The following LNX2 variants were observed in gnomAD, a reference collection of about 807,000 sequenced individuals.
LNX2 encodes the protein ligand of Numb protein X 2.
Under a neutral mutation model 66.2 loss-of-function variants are expected in LNX2, and 35 were observed. That is an observed-to-expected ratio of 0.53 (90% confidence interval 0.40 to 0.70). The LOEUF is 0.70. Ranked by LOEUF, LNX2 falls within the 30% of genes least tolerant of loss-of-function variation. The pLI is 0.00. For synonymous variants in LNX2, 337 were observed against 315.6 expected, an observed-to-expected ratio of 1.07 and a Z score of -0.72; for missense variants, 791 against 850.8, an observed-to-expected ratio of 0.93 and a Z score of 0.87.
intron 1 of LNX2, among the ~76,000 whole-genome samples, chr13:27,617,022 A>C (rs1430473062): frequency 6.6e-6 from 1 of 152,228 alleles, no homozygotes; most frequent in Non-Finnish European, 1.5e-5. Flanking sequence ...TGCTAGAATT[A>C]TAAGCGTGAG....
At chr13:27,593,238 ATCT>A (rs997849384) in intron 1 of LNX2, among the ~76,000 whole-genome samples, 2 of 152,122 alleles carry the variant, frequency 1.3e-5, no homozygotes, top group African/African-American at 4.8e-5. Context: ...CATTTATCTC[ATCT>A]TCTTCCAATC....
intron 1 of LNX2, among the ~76,000 whole-genome samples, chr13:27,584,000 GA>G (rs968465521): frequency 6.6e-6 from 1 of 152,032 alleles, no homozygotes; most frequent in Non-Finnish European, 1.5e-5. Flanking sequence ...CACCTTGGGT[GA>G]AAAAAAGCAT....
chr13:27,579,948 G>A (rs1464432361), intron 2 of LNX2, among the ~76,000 whole-genome samples: 2 of 152,124 alleles, frequency 1.3e-5, no homozygotes, highest in African/African-American at 4.8e-5. Context: ...ATTTTCAAAA[G>A]TCTGTCTATC....
chr13:27,551,151 A>C (rs2138310728), intron 8 of LNX2, among the ~76,000 whole-genome samples: 1 of 152,262 alleles, frequency 6.6e-6, no homozygotes, highest in South Asian at 2.1e-4. Flanking sequence ...AGCTGGGTAC[A>C]GCGTCATGTG....
intron 2 of LNX2, among the ~76,000 whole-genome samples, chr13:27,579,035 A>G (rs527498738): frequency 6.6e-6 from 1 of 152,254 alleles, no homozygotes; most frequent in Non-Finnish European, 1.5e-5. Context: ...CTGAAAGACT[A>G]TAAAGACATG....
chr13:27,556,232 T>A lies in LNX2; in HGVS notation c.1546+4A>T. ...TGGTAAAATTTTTCAAGATCCCATC[T>A]TACCTCTCTTTATTCTGCCATCTCG... is the stretch of plus-strand genomic sequence containing the variant. On this transcript the variant is annotated splice_donor_region_variant and intron_variant, in intron 7 of 9. Transcript: ENST00000316334. The A allele has an allele frequency of 6.2e-7, 1 of 1,611,650 alleles. No homozygotes were observed. The highest frequency in any genetic ancestry group is 8.5e-7 in the Non-Finnish European group (1 of 1,179,052).
chr13:27,551,707 T>A (rs969847558), intron 8 of LNX2, among the ~76,000 whole-genome samples: 7 of 152,192 alleles, frequency 4.6e-5, no homozygotes, highest in Non-Finnish European at 1.0e-4. Context: ...ATGCCAGAAC[T>A]TCTCATCTTA....
chr13:27,552,861 T>C (rs1408190810), intron 8 of LNX2, among the ~76,000 whole-genome samples: 2 of 152,192 alleles, frequency 1.3e-5, no homozygotes, highest in African/African-American at 4.8e-5. Flanking sequence ...AGCCCCAAGA[T>C]TGGCCTGGGT....
In LNX2 at chr13:27,601,281, G is replaced by A. The variant is rs539240503; in HGVS notation, c.-101+19094C>T. Among the ~76,000 whole-genome samples the A allele has an allele frequency of 1.4e-4, 21 of 152,220 alleles. No individual in the cohort carries two copies. The South Asian group carries it at 3.5e-3, about 26-fold the overall frequency. ...TGGTCCATCTAATTCCAAAGTCCAC[G>A]TTCAGCAGTACCTGAAATTAAGATA... On this transcript the variant is annotated intron_variant, in intron 1 of 9. Transcript: ENST00000316334.
chr13:27,548,429 A>G lies in LNX2; in HGVS notation c.1979T>C (p.Val660Ala). Reference sequence around the variant, plus strand: ...AACTAGTGCAGAGTGGCTCATGCCCACGGTTGACAGCCCATTTACGGCCAC... The same window carrying G: ...AACTAGTGCAGAGTGGCTCATGCCCGCGGTTGACAGCCCATTTACGGCCAC... ...MIVAVNGLST[V>A]GMSHSALVPM... The change falls in exon 10 of 10, where the codon GTG (valine) becomes GCG (alanine). Residue 660 changes from valine (V) to alanine (A), a missense_variant. Coordinates refer to ENST00000316334, the MANE Select transcript of LNX2 (RefSeq NM_153371.4). 6.2e-7 allele frequency: 1 copy of G among 1,614,132 alleles called. No individual in the cohort carries two copies. The highest frequency in any genetic ancestry group is 8.5e-7 in the Non-Finnish European group (1 of 1,179,992).
intron 1 of LNX2, among the ~76,000 whole-genome samples, chr13:27,582,788 G>A (rs543850235): frequency 1.4e-4 from 21 of 152,210 alleles, no homozygotes; most frequent in African/African-American, 4.8e-4. Context: ...AACACCTAAT[G>A]TAGATGATGG....
chr13:27,609,739 A>C (rs7988820), intron 1 of LNX2, among the ~76,000 whole-genome samples: 2 of 152,208 alleles, frequency 1.3e-5, no homozygotes, highest in African/African-American at 4.8e-5. Flanking sequence ...ACATTCTGCA[A>C]AAGGGATTCA....
intron 8 of LNX2, among the ~76,000 whole-genome samples, chr13:27,550,799 A>G (rs1954999613): frequency 6.6e-6 from 1 of 152,204 alleles, no homozygotes; most frequent in South Asian, 2.1e-4. Flanking sequence ...TCATGTACCT[A>G]TATCAGCTCA....
chr13:27,563,814 AT>A (rs1014963280), intron 4 of LNX2, among the ~76,000 whole-genome samples: 6 of 152,128 alleles, frequency 3.9e-5, no homozygotes, highest in Non-Finnish European at 8.8e-5. Context: ...ACTATTTTGA[AT>A]TTTGTTGATT....
intron 1 of LNX2, among the ~76,000 whole-genome samples, chr13:27,604,855 ATTTT>A (rs34254877): frequency 7.2e-6 from 1 of 138,364 alleles, no homozygotes; most frequent in Non-Finnish European, 1.6e-5. Context: ...TTTCTATTTA[ATTTT>A]TTTTTTTTTT....
intron 8 of LNX2, among the ~76,000 whole-genome samples, chr13:27,551,941 G>A (rs576877165): frequency 6.6e-6 from 1 of 152,178 alleles, no homozygotes; most frequent in African/African-American, 2.4e-5. Context: ...TGCATATAGG[G>A]GCCACCTGCA....
At chr13:27,607,008 A>G (rs574502971) in intron 1 of LNX2, among the ~76,000 whole-genome samples, 1 of 152,216 alleles carries the variant, frequency 6.6e-6, no homozygotes, top group South Asian at 2.1e-4. Flanking sequence ...TCAAAAGTAA[A>G]TAAGTAAAAC....
intron 6 of LNX2, among the ~76,000 whole-genome samples, chr13:27,558,849 C>T (rs1433457128): frequency 2.0e-5 from 3 of 152,072 alleles, no homozygotes; most frequent in African/African-American, 7.2e-5. Flanking sequence ...ACCATATAAA[C>T]CCAATGGGCC....
intron 1 of LNX2, among the ~76,000 whole-genome samples, chr13:27,602,313 C>A (rs536694328): frequency 4.1e-4 from 62 of 152,194 alleles, no homozygotes; most frequent in African/African-American, 1.4e-3. Context: ...ACGCAAATCC[C>A]TATTAAGATA....
Sources: gnomAD v4.1 joint callset for allele counts (sites outside exome capture counted in the v4.1 genomes callset) on GRCh38, gnomAD v4.1.1 for gene constraint, MANE v1.5 for transcripts, NCBI Gene and HGNC (gene_info 2026-07-23, HGNC 2026-07-21) for gene names.